The following CLCN1 variants were observed in gnomAD, a reference collection of about 807,000 sequenced individuals.
CLCN1 encodes chloride voltage-gated channel 1.
In CLCN1, 100 loss-of-function variants were observed where a neutral mutation model predicts 114.5. The ratio of observed to expected loss-of-function variants is 0.87; its 90% CI spans 0.74 to 1.03. The LOEUF (loss-of-function observed/expected upper bound fraction) is 1.03, where lower values mean the gene tolerates loss of function less well. CLCN1 is among the 50% of genes least tolerant of loss of function. The probability of loss-of-function intolerance (pLI) is 0.00; values close to 1 mark genes in which losing one functional copy is unlikely to be tolerated. For synonymous variants in CLCN1, 485 were observed against 487.1 expected (o/e 1.00, Z 0.06); for missense variants, 1,188 against 1,250.0 (o/e 0.95, Z 0.75).
intron 22 of CLCN1, 73 bp from the exon 23 acceptor site, chr7:143,351,521 G>T: frequency 6.6e-7 from 1 of 1,515,440 alleles, no homozygotes; most frequent in Non-Finnish European, 9.0e-7. Flanking sequence ...GTTCTTTTCT[G>T]TGTCTCTCAC....
At chr7:143,347,004 G>A in intron 20 of CLCN1, 55 bp downstream of exon 20, 1 of 1,441,740 alleles carries the variant, frequency 6.9e-7, no homozygotes, top group Non-Finnish European at 9.8e-7. Flanking sequence ...TGAAGATATT[G>A]CTAATTTGTT....
intron 16 of CLCN1, among the ~76,000 whole-genome samples, chr7:143,343,038 G>A (rs994888415): frequency 3.9e-5 from 6 of 152,114 alleles, no homozygotes; most frequent in African/African-American, 1.4e-4. Context: ...TTGCTCCTAG[G>A]AAAAATACAG....
At chr7:143,325,446 G>A (rs1414273544) in intron 7 of CLCN1, among the ~76,000 whole-genome samples, 3 of 152,210 alleles carry the variant, frequency 2.0e-5, no homozygotes, top group African/African-American at 7.2e-5. Flanking sequence ...TGCAAACACT[G>A]TGGCAAAGCA....
chr7:143,316,504 A>G, intron 1 of CLCN1, 112 bp downstream of exon 1: 1 of 1,004,280 alleles, frequency 1.0e-6, no homozygotes. Flanking sequence ...ACATTTTTTT[A>G]ACTTAAAAAA....
In CLCN1 at chr7:143,350,400, G is replaced by A. The variant is rs77199385; in HGVS notation, c.2432G>A (p.Ser811Asn). 6.2e-7 allele frequency: 1 copy of A among 1,613,178 alleles called. No homozygotes were observed. Among genetic ancestry groups the A allele is most frequent in the South Asian group, 1.1e-5 (1 of 91,022 alleles). ...EIEAWEQEQL[S>N]QPVCFDSCCI... ...GAGGCCTGGGAGCAGGAGCAGCTGA[G>A]CCAGCCTGTCTGTTTTGATTCCTGC... Residue 811 changes from serine (S) to asparagine (N), a missense_variant, in exon 21 of 23, where the codon AGC becomes AAC. Physicochemically the swap from Ser to Asn is conservative, Grantham distance 46. Transcript: ENST00000343257. The surrounding 1 kb of genome is among the most constrained non-coding windows in gnomAD (Gnocchi z 5.1).
At chr7:143,326,460 C>T (rs551746920) in intron 7 of CLCN1, among the ~76,000 whole-genome samples, 3 of 152,292 alleles carry the variant, frequency 2.0e-5, no homozygotes, top group Non-Finnish European at 4.4e-5. Flanking sequence ...GGATCTTGCA[C>T]ACTCAGGGTG....
At chr7:143,346,724 C>A in intron 19 of CLCN1, 66 bp downstream of exon 19, 1 of 1,396,868 alleles carries the variant, frequency 7.2e-7, no homozygotes, top group Non-Finnish European at 1.0e-6. Context: ...GAGAAACCCA[C>A]GGTTCTTAAA....
chr7:143,319,856 T>A lies in CLCN1; in HGVS notation c.282T>A (p.Asp94Glu). Reference protein sequence around the residue: ...SSSTVDSKDEDHYSKCQDCIH... With the variant: ...SSSTVDSKDEEHYSKCQDCIH... The stretch of plus-strand genomic sequence containing the variant: ...CTACCGTGGACAGCAAGGATGAGGA[T>A]CACTATTCTAAATGTCAAGGTGATG... Residue 94 changes from aspartate (D) to glutamate (E), a missense_variant, in exon 2 of 23, where the codon GAT becomes GAA. Physicochemically the swap from Asp to Glu is conservative, Grantham distance 45. Coordinates refer to ENST00000343257, the MANE Select transcript of CLCN1 (RefSeq NM_000083.3). 6.2e-7 allele frequency: 1 copy of A among 1,613,772 alleles called. No homozygotes were observed. The highest frequency in any genetic ancestry group is 8.5e-7 in the Non-Finnish European group (1 of 1,179,764).
chr7:143,323,438 G>T, intron 6 of CLCN1, 52 bp downstream of exon 6: 2 of 1,298,896 alleles, frequency 1.5e-6, no homozygotes, highest in Non-Finnish European at 2.2e-6. Flanking sequence ...AAGGAGTCCG[G>T]CTGTGTGTCC....
At chr7:143,330,607 A>T (rs1802695126) in intron 7 of CLCN1, among the ~76,000 whole-genome samples, 165 bp from the exon 8 acceptor site, 1 of 152,144 alleles carries the variant, frequency 6.6e-6, no homozygotes, top group African/African-American at 2.4e-5. Flanking sequence ...TAGCCTGAGC[A>T]GTTGTGTGGT....
At position 143,318,786 on chromosome 7, in the gene CLCN1, C is replaced by T. The variant is rs762692292; in HGVS notation, c.181-969C>T. 3.7e-4 allele frequency among the ~76,000 whole-genome samples: 56 copies of T among 152,278 alleles called. 1 individual carries two copies. The highest frequency in any genetic ancestry group is 2.9e-3 in the Admixed American group (44 of 15,298). ...AAGTATGTTCTCTCTCTGGGTCCCA[C>T]GCAGGGTTTGGAAGGAAACACTGCC... is the stretch of plus-strand genomic sequence containing the variant. On this transcript the variant is annotated intron_variant, in intron 1 of 22. Coordinates refer to ENST00000343257, the MANE Select transcript of CLCN1 (RefSeq NM_000083.3).
Position 143,342,523 on chromosome 7 carries a change from A to G in CLCN1, c.1930+18A>G, listed in dbSNP as rs762929250. On this transcript the variant is annotated intron_variant, in intron 16 of 22. Transcript: ENST00000343257. ...CTCAAAAGGTCAGTGGGGAGGAAGA[A>G]GTCGACTCCAGAGCTAGTGACCTGA... The G allele has an allele frequency of 6.2e-7, 1 of 1,613,920 alleles. No homozygotes were observed.
intron 1 of CLCN1, among the ~76,000 whole-genome samples, chr7:143,317,956 T>C (rs1443651791): frequency 6.6e-6 from 1 of 152,214 alleles, no homozygotes; most frequent in African/African-American, 2.4e-5. Flanking sequence ...CACTTCCTGA[T>C]GACAGTTCTC....
intron 15 of CLCN1, 113 bp downstream of exon 15, chr7:143,342,255 T>C (rs1453129631): frequency 2.7e-6 from 4 of 1,476,830 alleles, no homozygotes; most frequent in Middle Eastern, 1.7e-4. Flanking sequence ...ATTATTATTA[T>C]ATTCTCATGC....
chr7:143,323,368 G>A lies in CLCN1; in HGVS notation c.756G>A (p.Val252=), dbSNP rs886062034. 6.2e-7 allele frequency: 1 copy of A among 1,613,092 alleles called. No individual in the cohort carries two copies. Among genetic ancestry groups the A allele is most frequent in the East Asian group, 2.2e-5 (1 of 44,872 alleles). Residue 252 remains valine, a synonymous_variant, in exon 6 of 23, where the codon GTG becomes GTA. Transcript: ENST00000343257. ...CAAVLSKFMS[V]FCGVYEQPYY... is the part of the protein sequence containing the mutation. ...CTGTCCTCAGCAAATTCATGTCTGTGTTCTGCGGGGTATATGAGGTAAGGT... is the reference window on the plus strand; with the variant it reads ...CTGTCCTCAGCAAATTCATGTCTGTATTCTGCGGGGTATATGAGGTAAGGT...
At chr7:143,338,021 T>G (rs1802958833) in intron 12 of CLCN1, among the ~76,000 whole-genome samples, 1 of 151,734 alleles carries the variant, frequency 6.6e-6, no homozygotes, top group South Asian at 2.1e-4. Flanking sequence ...ATTTTTTTAT[T>G]TTTTAGTGGA....
intron 7 of CLCN1, 95 bp from the exon 8 acceptor site, chr7:143,330,677 G>A: frequency 6.5e-7 from 1 of 1,549,786 alleles, no homozygotes; most frequent in South Asian, 1.1e-5. Context: ...CCAGATTCAT[G>A]TTTCAGCAAA....
chr7:143,340,003 A>G (rs545130931), intron 14 of CLCN1, among the ~76,000 whole-genome samples: 51 of 152,192 alleles, frequency 3.4e-4, no homozygotes, highest in Non-Finnish European at 6.2e-4. Context: ...TGGGTAGTTA[A>G]GAGCACAGGA....
In CLCN1 at chr7:143,322,375, C is replaced by T. The variant is rs561156203; in HGVS notation, c.696+527C>T. 3.9e-5 allele frequency among the ~76,000 whole-genome samples: 6 copies of T among 152,194 alleles called. No individual in the cohort carries two copies. In the East Asian group the frequency reaches 5.8e-4, roughly 15 times the overall value. ...TGCTCGGTGGGTTGCAGCCTCCTTC[C>T]GTTCTCTGCTGGTGTTCATCTTTGC... is the stretch of plus-strand genomic sequence containing the variant. On this transcript the variant is annotated intron_variant, in intron 5 of 22. Transcript: ENST00000343257.
Sources: allele counts gnomAD v4.1 joint callset (sites outside exome capture counted in the v4.1 genomes callset), GRCh38; gene constraint gnomAD v4.1.1; non-coding constraint Gnocchi (gnomAD v3.1); transcripts MANE v1.5; gene names NCBI Gene and HGNC (gene_info 2026-07-23, HGNC 2026-07-21).